The following PCDHA11 variants were observed in gnomAD, a reference collection of about 807,000 sequenced individuals.
The protein encoded by PCDHA11 is protocadherin alpha 11.
A neutral mutation model predicts 70.3 loss-of-function variants in PCDHA11; 61 were observed. The ratio of observed to expected loss-of-function variants is 0.87; its 90% confidence interval spans 0.71 to 1.07. The LOEUF is 1.07. PCDHA11 is among the 50% of genes least tolerant of loss of function. PCDHA11 has a pLI of 0.00. For synonymous variants in PCDHA11, 633 were observed against 555.1 expected (o/e 1.14, Z -1.97); for missense variants, 1,324 against 1,237.5 (o/e 1.07, Z -1.05).
At chr5:140,986,371 G>C (rs1453761888) in intron 3 of PCDHA11, among the ~76,000 whole-genome samples, 1 of 152,116 alleles carries the variant, frequency 6.6e-6, no homozygotes, top group Non-Finnish European at 1.5e-5. Flanking sequence ...AATGCGTTTT[G>C]GGGGGAGGGA....
At chr5:140,927,721 C>G in intron 1 of PCDHA11, 1 of 1,614,204 alleles carries the variant, frequency 6.2e-7, no homozygotes, top group Non-Finnish European at 8.5e-7. Flanking sequence ...CAACAGCACG[C>G]AAGCAGAGCT....
intron 1 of PCDHA11, among the ~76,000 whole-genome samples, chr5:140,881,731 T>C (rs1457530470): frequency 6.6e-6 from 1 of 152,224 alleles, no homozygotes; most frequent in Non-Finnish European, 1.5e-5. Flanking sequence ...TGAAAAATAT[T>C]ACAGGAAGAG....
intron 1 of PCDHA11, among the ~76,000 whole-genome samples, chr5:140,935,985 C>T (rs155825): frequency 0.32 from 47,782 of 150,880 alleles, 7,901 homozygotes; most frequent in East Asian, 0.53. Context: ...CTCTGCCTCC[C>T]GGGTTCAAGC....
chr5:140,877,637 G>A (rs1554169943), intron 1 of PCDHA11: 1 of 1,613,520 alleles, frequency 6.2e-7, no homozygotes, highest in Non-Finnish European at 8.5e-7. Context: ...ACTGCGCTGC[G>A]TTGCTCAGCG....
Position 141,003,903 on chromosome 5 carries a change from G to C in PCDHA11, c.2540-5724G>C, listed in dbSNP as rs150270772. Among the ~76,000 whole-genome samples, 254 of 152,194 alleles carry C rather than the reference G, an allele frequency of 1.7e-3. 1 individual carries two copies. Among genetic ancestry groups the C allele is most frequent in the Non-Finnish European group, 3.4e-3 (231 of 67,998 alleles). ...AGCCTCTTAACAGGCCCATTCATTT[G>C]GGTCTTGACTGCATCCTCAGTCTTG... On this transcript the variant is annotated intron_variant, in intron 3 of 3. Coordinates refer to ENST00000398640, the MANE Select transcript of PCDHA11 (RefSeq NM_018902.5).
intron 3 of PCDHA11, among the ~76,000 whole-genome samples, chr5:141,006,446 C>T (rs2098274720): frequency 1.3e-5 from 2 of 152,066 alleles, no homozygotes; most frequent in South Asian, 4.1e-4. Flanking sequence ...ATCTCCTGAC[C>T]TCGAGATCTG....
chr5:140,874,005 C>T (rs887497526), intron 1 of PCDHA11, among the ~76,000 whole-genome samples: 1 of 152,100 alleles, frequency 6.6e-6, no homozygotes, highest in South Asian at 2.1e-4. Context: ...GTACATTGAC[C>T]ACTTTTGAAA....
At chr5:140,966,185 GA>G (rs1378285647) in intron 1 of PCDHA11, 4 of 197,798 alleles carry the variant, frequency 2.0e-5, no homozygotes, top group Non-Finnish European at 4.0e-5. Context: ...CTGATAGCCA[GA>G]CTTCTAGGGG....
intron 1 of PCDHA11, among the ~76,000 whole-genome samples, chr5:140,944,243 A>C (rs1202248629): frequency 2.6e-5 from 4 of 152,208 alleles, no homozygotes; most frequent in Non-Finnish European, 2.9e-5. Context: ...GCTGGAGTGC[A>C]GTGATGTGAT....
At chr5:140,884,428 G>C in intron 1 of PCDHA11, 1 of 1,613,962 alleles carries the variant, frequency 6.2e-7, no homozygotes, top group Non-Finnish European at 8.5e-7. Context: ...TGTATACTGC[G>C]CTGCGGTGCT....
At chr5:140,968,167 A>C (rs782252124) in intron 1 of PCDHA11, 1 of 1,614,076 alleles carries the variant, frequency 6.2e-7, no homozygotes, top group Admixed American at 1.7e-5. Flanking sequence ...ACAATCCACC[A>C]AGCTTCCTGG....
At chr5:140,915,683 G>A (rs1052949485) in intron 1 of PCDHA11, among the ~76,000 whole-genome samples, 1 of 150,776 alleles carries the variant, frequency 6.6e-6, no homozygotes, top group African/African-American at 2.4e-5. Context: ...TTGAACTAGG[G>A]GTATGGTGAT....
intron 1 of PCDHA11, among the ~76,000 whole-genome samples, chr5:140,923,528 C>CA (rs1240707958): frequency 2.0e-5 from 3 of 151,622 alleles, no homozygotes; most frequent in Non-Finnish European, 4.4e-5. Context: ...GATTCTGTCC[C>CA]AAAAAAAGGA....
chr5:140,869,719 C>T lies in PCDHA11; in HGVS notation c.616C>T (p.Pro206Ser). 6.2e-7 allele frequency: 1 copy of T among 1,613,314 alleles called. No homozygotes were observed. Among genetic ancestry groups the T allele is most frequent in the Admixed American group, 1.7e-5 (1 of 60,008 alleles). Residue 206 changes from proline to serine, a missense_variant, in exon 1 of 4, where the codon CCG becomes TCG. Transcript: ENST00000398640. ...LKKSLDREKTPELNLLLTATD... is the reference protein window; with the variant it reads ...LKKSLDREKTSELNLLLTATD... ...GAAGTCTCTGGATAGAGAGAAAACT[C>T]CGGAACTTAATTTGCTGCTAACAGC...
chr5:140,982,224 A>T, intron 2 of PCDHA11: 1 of 587,320 alleles, frequency 1.7e-6, no homozygotes, highest in South Asian at 3.8e-5. Context: ...TGGCGTTAAT[A>T]AAAAACAGAA....
At chr5:140,908,103 TC>T (rs1554193224) in intron 1 of PCDHA11, among the ~76,000 whole-genome samples, 2 of 152,192 alleles carry the variant, frequency 1.3e-5, no homozygotes, top group Non-Finnish European at 2.9e-5. Flanking sequence ...TGAAGTTCTG[TC>T]CACTGGGAAG....
chr5:140,909,254 G>T (rs915513119), intron 1 of PCDHA11, among the ~76,000 whole-genome samples: 1 of 152,216 alleles, frequency 6.6e-6, no homozygotes, highest in Non-Finnish European at 1.5e-5. Context: ...TGCTGGCCTT[G>T]CTGACTGAAG....
At chr5:140,930,832 T>A (rs1375434055) in intron 1 of PCDHA11, among the ~76,000 whole-genome samples, 1 of 152,226 alleles carries the variant, frequency 6.6e-6, no homozygotes, top group East Asian at 1.9e-4. Flanking sequence ...GCTGACTGAA[T>A]GAATAAATAT....
At chr5:140,875,395 GT>G in intron 1 of PCDHA11, 1 of 1,478,260 alleles carries the variant, frequency 6.8e-7, no homozygotes, top group African/African-American at 1.4e-5. Context: ...ACAGAAAAGG[GT>G]GACTGCTCAT....
Sources: allele counts gnomAD v4.1 joint callset (sites outside exome capture counted in the v4.1 genomes callset), GRCh38; gene constraint gnomAD v4.1.1; transcripts MANE v1.5; gene names NCBI Gene and HGNC (gene_info 2026-07-23, HGNC 2026-07-21).